The following STK24 variants were observed in gnomAD, a reference collection of about 807,000 sequenced individuals.
STK24 encodes the protein serine/threonine-protein kinase 24.
In STK24, 21 loss-of-function variants were observed where a neutral mutation model predicts 55.6. That is an observed-to-expected ratio of 0.38 (90% confidence interval 0.27 to 0.54). STK24 has a LOEUF of 0.54. STK24 is among the 20% of genes least tolerant of loss of function. The probability of loss-of-function intolerance (pLI) is 0.79; values close to 1 mark genes in which losing one functional copy is unlikely to be tolerated. For synonymous variants in STK24, 200 were observed against 215.2 expected, an observed-to-expected ratio of 0.93 and a Z score of 0.62; for missense variants, 383 against 538.4, an observed-to-expected ratio of 0.71 and a Z score of 2.86.
chr13:98,463,936 C>A, intron 6 of STK24, 100 bp from the exon 7 acceptor site: 1 of 1,372,482 alleles, frequency 7.3e-7, no homozygotes, highest in East Asian at 2.3e-5. Flanking sequence ...CACACTGACA[C>A]CTGATGGCTG....
intron 2 of STK24, among the ~76,000 whole-genome samples, chr13:98,503,938 C>T (rs1471401976): frequency 5.9e-5 from 9 of 152,180 alleles, no homozygotes; most frequent in Admixed American, 2.6e-4. Context: ...AAGCCACCCA[C>T]GCAGAATCTG....
At chr13:98,555,310 A>C (rs1473262082) in intron 1 of STK24, among the ~76,000 whole-genome samples, 2 of 151,908 alleles carry the variant, frequency 1.3e-5, no homozygotes, top group Non-Finnish European at 2.9e-5. Context: ...GGCCAGGCAC[A>C]GTGGCTCACG....
At chr13:98,495,131 C>T (rs924101285) in intron 2 of STK24, among the ~76,000 whole-genome samples, 2 of 152,230 alleles carry the variant, frequency 1.3e-5, no homozygotes, top group Admixed American at 6.5e-5. Flanking sequence ...GCCTGGTTCC[C>T]GCAGCCCACT....
rs1464806035 is a variant in STK24, at chr13:98,451,547, A to G, written c.*1626T>C. 2 of 152,066 alleles carry G rather than the reference A, an allele frequency of 1.3e-5. No homozygotes were observed. The highest frequency in any genetic ancestry group is 2.9e-5 in the Non-Finnish European group (2 of 68,026). The allele number at this position is 152,066 out of a possible 1,614,324, so 9.4% of individuals were successfully genotyped here. ...GACTGCACTAGCAAACCGACACAATAACCCACTCAAGCATCTGTAGCTCAG... is the reference window on the plus strand; with the variant it reads ...GACTGCACTAGCAAACCGACACAATGACCCACTCAAGCATCTGTAGCTCAG... On this transcript the variant is annotated 3_prime_UTR_variant, in exon 11 of 11. Coordinates refer to ENST00000539966, the MANE Select transcript of STK24 (RefSeq NM_001032296.4).
In STK24 at chr13:98,451,232, G is replaced by C. The variant is rs189479864; in HGVS notation, c.*1941C>G. The C allele has an allele frequency of 4.7e-4, 72 of 152,266 alleles. No individual in the cohort carries two copies. The highest frequency in any genetic ancestry group is 1.6e-3 in the African/African-American group (66 of 41,542). 9.4% of individuals were successfully genotyped at this position (152,266 alleles called of 1,614,324 possible). On this transcript the variant is annotated 3_prime_UTR_variant, in exon 11 of 11. Transcript: ENST00000539966. ...AAATCAGGTAACGGCACACCCTGGG[G>C]AACACAGACTCAATCTGTGTGATTC...
At chr13:98,485,265 G>A (rs921505462) in intron 2 of STK24, among the ~76,000 whole-genome samples, 12 of 152,162 alleles carry the variant, frequency 7.9e-5, no homozygotes, top group Non-Finnish European at 1.6e-4. Context: ...CCGAGCATTC[G>A]GGGAGAATTT....
intron 5 of STK24, among the ~76,000 whole-genome samples, chr13:98,468,769 T>G (rs1323228332): frequency 6.6e-6 from 1 of 152,250 alleles, no homozygotes; most frequent in East Asian, 1.9e-4. Flanking sequence ...AAGTATACAG[T>G]GTGTAACAAT....
intron 2 of STK24, among the ~76,000 whole-genome samples, chr13:98,504,034 A>C (rs541175148): frequency 1.3e-4 from 20 of 152,324 alleles, no homozygotes; most frequent in African/African-American, 4.6e-4. Context: ...GAGAAGACAG[A>C]AAGATCACAT....
chr13:98,445,702 C>T lies in STK24; in HGVS notation c.*7471G>A, dbSNP rs577342010. 419 of 157,588 alleles carry T rather than the reference C, an allele frequency of 2.7e-3. 3 individuals carry two copies. Among genetic ancestry groups the T allele is most frequent in the Non-Finnish European group, 4.9e-3 (352 of 71,308 alleles). 9.8% of individuals were successfully genotyped at this position (157,588 alleles called of 1,614,324 possible). A position where few individuals can be genotyped will look rare whatever the true frequency, so the allele number is the denominator to read the frequency against. ...CCTCGGTGTCACAGGGCACACCCCT[C>T]TCCCCTCAAGGTGGCTCTTCTCCTC... On this transcript the variant is annotated 3_prime_UTR_variant, in exon 11 of 11. Transcript: ENST00000539966.
At chr13:98,518,367 G>C (rs1325242787) in intron 2 of STK24, among the ~76,000 whole-genome samples, 1 of 152,196 alleles carries the variant, frequency 6.6e-6, no homozygotes, top group African/African-American at 2.4e-5. Flanking sequence ...GGGAGGAAGA[G>C]GCCTGGCCCA....
intron 1 of STK24, among the ~76,000 whole-genome samples, chr13:98,544,925 C>T (rs1222720740): frequency 2.0e-5 from 3 of 152,114 alleles, no homozygotes; most frequent in African/African-American, 7.2e-5. Context: ...AAAAGCATAT[C>T]ATCTGAAGAA....
At chr13:98,549,532 T>C (rs1897110911) in intron 1 of STK24, among the ~76,000 whole-genome samples, 1 of 152,146 alleles carries the variant, frequency 6.6e-6, no homozygotes, top group African/African-American at 2.4e-5. Context: ...GTCCTCATAA[T>C]AGTGAGTTCC....
At chr13:98,479,639 T>C (rs1395624427) in intron 3 of STK24, among the ~76,000 whole-genome samples, 1 of 152,160 alleles carries the variant, frequency 6.6e-6, no homozygotes, top group African/African-American at 2.4e-5. Flanking sequence ...ATTTTTAACT[T>C]GGGGCAAAGT....
At chr13:98,504,536 G>C (rs1332449417) in intron 2 of STK24, among the ~76,000 whole-genome samples, 2 of 152,234 alleles carry the variant, frequency 1.3e-5, no homozygotes, top group Admixed American at 1.3e-4. Context: ...TTTAATGCAA[G>C]AAGGGAAATA....
At chr13:98,564,644 C>A (rs1897519118) in intron 1 of STK24, among the ~76,000 whole-genome samples, 1 of 152,294 alleles carries the variant, frequency 6.6e-6, no homozygotes, top group East Asian at 1.9e-4. Context: ...AAAAGTTATC[C>A]TGACAAATTT....
chr13:98,453,358 T>C, intron 10 of STK24, 149 bp from the exon 11 acceptor site: 1 of 760,992 alleles, frequency 1.3e-6, no homozygotes, highest in Non-Finnish European at 2.1e-6. Context: ...AAGTCTAATT[T>C]TAAAAGAATG....
At chr13:98,500,775 G>C (rs867946504) in intron 2 of STK24, among the ~76,000 whole-genome samples, 1 of 151,956 alleles carries the variant, frequency 6.6e-6, no homozygotes, top group Non-Finnish European at 1.5e-5. Context: ...TAGCACACAG[G>C]CAAGTGCTGG....
chr13:98,506,916 G>A (rs1423374332), intron 2 of STK24, among the ~76,000 whole-genome samples: 2 of 152,190 alleles, frequency 1.3e-5, no homozygotes, highest in African/African-American at 4.8e-5. Flanking sequence ...CCTGGGCCAG[G>A]AGCCCGCAGG....
Position 98,452,925 on chromosome 13 carries a change from A to C in STK24, c.*248T>G, listed in dbSNP as rs553803371. The C allele has an allele frequency of 2.4e-5, 10 of 423,206 alleles. No individual in the cohort carries two copies. The highest frequency in any genetic ancestry group is 3.8e-5 in the Non-Finnish European group (9 of 239,998). The allele number at this position is 423,206 out of a possible 1,614,324, so 26.2% of individuals were successfully genotyped here. ...ATGTGCACTATGGTTAAAATTAAAA[A>C]CAAAAGTAATAAAATAAAATAAAAT... is the stretch of plus-strand genomic sequence containing the variant. On this transcript the variant is annotated 3_prime_UTR_variant, in exon 11 of 11. Transcript: ENST00000539966.
Sources: gnomAD v4.1 joint callset for allele counts (sites outside exome capture counted in the v4.1 genomes callset) on GRCh38, gnomAD v4.1.1 for gene constraint, MANE v1.5 for transcripts, NCBI Gene and HGNC (gene_info 2026-07-23, HGNC 2026-07-21) for gene names.